CNTNAP2: variants seen among roughly 807,000 people sequenced by gnomAD.
CNTNAP2 encodes contactin-associated protein-like 2.
Under a neutral mutation model 155.2 loss-of-function variants are expected in CNTNAP2, and 98 were observed. That is an observed-to-expected ratio of 0.63 (90% CI 0.54 to 0.75). The LOEUF is 0.75. Ranked by LOEUF, CNTNAP2 falls within the 30% of genes least tolerant of loss-of-function variation. The pLI, the probability that CNTNAP2 is intolerant of heterozygous loss-of-function variation, is 0.00. For synonymous variants in CNTNAP2, 651 were observed against 631.2 expected (o/e 1.03, Z -0.47); for missense variants, 1,727 against 1,688.1 (o/e 1.02, Z -0.40).
At chr7:146,529,561 A>G (rs1410019582) in intron 1 of CNTNAP2, among the ~76,000 whole-genome samples, 1 of 152,174 alleles carries the variant, frequency 6.6e-6, no homozygotes, top group Non-Finnish European at 1.5e-5. Context: ...TAATGCATAC[A>G]TGAGGCATGC....
chr7:146,767,075 T>A (rs1240293193), intron 1 of CNTNAP2, among the ~76,000 whole-genome samples: 1 of 152,216 alleles, frequency 6.6e-6, no homozygotes, highest in Non-Finnish European at 1.5e-5. Context: ...TTTCCTAAAT[T>A]AGCAATTGAT....
At chr7:146,227,036 A>T (rs1029807225) in intron 1 of CNTNAP2, among the ~76,000 whole-genome samples, 1 of 152,218 alleles carries the variant, frequency 6.6e-6, no homozygotes, top group Non-Finnish European at 1.5e-5. Context: ...TGTATAAAAT[A>T]TGAGCCCAAT....
intron 3 of CNTNAP2, among the ~76,000 whole-genome samples, chr7:146,977,778 C>T (rs957962534): frequency 1.3e-5 from 2 of 152,040 alleles, no homozygotes; most frequent in Non-Finnish European, 2.9e-5. Context: ...CAGTGAACTT[C>T]CAAGTGAAAT....
At chr7:148,248,199 T>C (rs1401998162) in intron 20 of CNTNAP2, among the ~76,000 whole-genome samples, 1 of 118,932 alleles carries the variant, frequency 8.4e-6, no homozygotes, top group Non-Finnish European at 1.9e-5. Context: ...TTACCTGTTC[T>C]ATAATTTTTT....
chr7:147,690,472 G>T (rs1160208671), intron 13 of CNTNAP2, among the ~76,000 whole-genome samples: 1 of 152,042 alleles, frequency 6.6e-6, no homozygotes, highest in Non-Finnish European at 1.5e-5. Context: ...CTCAGACATT[G>T]TACCAGGCAT....
At chr7:147,551,259 C>T (rs1284274482) in intron 11 of CNTNAP2, among the ~76,000 whole-genome samples, 1 of 152,058 alleles carries the variant, frequency 6.6e-6, no homozygotes, top group East Asian at 1.9e-4. Flanking sequence ...TCAATAAAGT[C>T]AGAATAAAGA....
intron 1 of CNTNAP2, among the ~76,000 whole-genome samples, chr7:146,399,862 C>T (rs1795688825): frequency 6.6e-6 from 1 of 152,140 alleles, no homozygotes; most frequent in Non-Finnish European, 1.5e-5. Flanking sequence ...ATTTCTACTT[C>T]AGTTTCCTTA....
At chr7:148,252,911 T>G (rs995573829) in intron 20 of CNTNAP2, among the ~76,000 whole-genome samples, 1 of 152,016 alleles carries the variant, frequency 6.6e-6, no homozygotes, top group Admixed American at 6.6e-5. Flanking sequence ...TGCAAAAACT[T>G]GGATTTGACC....
chr7:146,463,957 A>C (rs1219991293), intron 1 of CNTNAP2, among the ~76,000 whole-genome samples: 1 of 152,146 alleles, frequency 6.6e-6, no homozygotes, highest in East Asian at 1.9e-4. Context: ...TGATTTGAGA[A>C]GCAGTGCTTT....
intron 13 of CNTNAP2, among the ~76,000 whole-genome samples, chr7:147,861,131 G>A (rs548010674): frequency 6.6e-6 from 1 of 152,292 alleles, no homozygotes; most frequent in African/African-American, 2.4e-5. Flanking sequence ...CTGATGAAAA[G>A]AGCAGTCTAC....
In CNTNAP2 at chr7:147,332,180, C is replaced by T. The variant is rs148606832; in HGVS notation, c.1498+31890C>T. ...CATTAATGAAGAAGGGCCAAGAACACGGGAAATAATAGCCGTATTTTCTTC... is the reference window on the plus strand; with the variant it reads ...CATTAATGAAGAAGGGCCAAGAACATGGGAAATAATAGCCGTATTTTCTTC... On this transcript the variant is annotated intron_variant, in intron 9 of 23. Coordinates refer to ENST00000361727, the MANE Select transcript of CNTNAP2 (RefSeq NM_014141.6). 1.3e-3 allele frequency among the ~76,000 whole-genome samples: 203 copies of T among 152,192 alleles called. 3 individuals are homozygous for T. Among genetic ancestry groups the T allele is most frequent in the African/African-American group, 4.8e-3 (200 of 41,522 alleles).
chr7:146,704,174 G>T (rs1215373323), intron 1 of CNTNAP2, among the ~76,000 whole-genome samples: 2 of 152,008 alleles, frequency 1.3e-5, no homozygotes, highest in Non-Finnish European at 2.9e-5. Context: ...GACACACATG[G>T]TCAGTTTTCA....
chr7:146,316,370 A>T (rs1445537993), intron 1 of CNTNAP2, among the ~76,000 whole-genome samples: 1 of 152,180 alleles, frequency 6.6e-6, no homozygotes, highest in African/African-American at 2.4e-5. Context: ...TAAATGTCTC[A>T]TTAGAGCCTT....
At chr7:146,233,644 T>A (rs1204800151) in intron 1 of CNTNAP2, among the ~76,000 whole-genome samples, 1 of 151,466 alleles carries the variant, frequency 6.6e-6, no homozygotes, top group African/African-American at 2.4e-5. Flanking sequence ...GTCCCCAGAG[T>A]GTGATGTTCC....
chr7:147,949,637 A>G (rs1282699413), intron 14 of CNTNAP2, among the ~76,000 whole-genome samples: 2 of 152,060 alleles, frequency 1.3e-5, no homozygotes, highest in African/African-American at 2.4e-5. Context: ...TTAGCAAGAA[A>G]TAGACTCAGT....
At chr7:148,294,821 CATAT>C (rs1252694097) in intron 21 of CNTNAP2, among the ~76,000 whole-genome samples, 1 of 152,026 alleles carries the variant, frequency 6.6e-6, no homozygotes, top group Admixed American at 6.6e-5. Flanking sequence ...CAAAAATAAA[CATAT>C]ATATATTATA....
At chr7:147,938,703 TAC>T (rs1800661204) in intron 14 of CNTNAP2, among the ~76,000 whole-genome samples, 1 of 152,226 alleles carries the variant, frequency 6.6e-6, no homozygotes, top group Admixed American at 6.5e-5. Flanking sequence ...ATTTATAAAG[TAC>T]ACATACTCCT....
chr7:148,126,077 A>G (rs886974683), intron 16 of CNTNAP2, among the ~76,000 whole-genome samples: 2 of 152,272 alleles, frequency 1.3e-5, no homozygotes, highest in East Asian at 3.9e-4. Flanking sequence ...TAGATGAGGC[A>G]ATATTTACTT....
chr7:148,015,088 A>G (rs1802152364), intron 15 of CNTNAP2, among the ~76,000 whole-genome samples: 1 of 152,162 alleles, frequency 6.6e-6, no homozygotes, highest in Non-Finnish European at 1.5e-5. Context: ...TCCTGAGGGT[A>G]AACACTTTTA....
Sources: allele counts gnomAD v4.1 joint callset (sites outside exome capture counted in the v4.1 genomes callset), GRCh38; gene constraint gnomAD v4.1.1; transcripts MANE v1.5; gene names NCBI Gene and HGNC (gene_info 2026-07-23, HGNC 2026-07-21).